IFT140: variants seen among roughly 807,000 people sequenced by gnomAD.
IFT140 encodes the protein intraflagellar transport protein 140 homolog.
IFT140 carries 133 observed loss-of-function variants against 164.6 expected under a neutral mutation model. The ratio of observed to expected loss-of-function variants is 0.81; its 90% CI spans 0.70 to 0.93. The LOEUF is 0.93. IFT140 is among the 40% of genes least tolerant of loss of function. The pLI, the probability that IFT140 is intolerant of heterozygous loss-of-function variation, is 0.00. For synonymous variants in IFT140, 860 were observed against 817.3 expected (o/e 1.05, Z -0.89); for missense variants, 2,045 against 1,972.3 (o/e 1.04, Z -0.70).
intron 3 of IFT140, among the ~76,000 whole-genome samples, chr16:1,604,165 G>A (rs993446363): frequency 1.7e-4 from 26 of 152,226 alleles, no homozygotes; most frequent in African/African-American, 6.3e-4. Flanking sequence ...TGGTGCTGGG[G>A]CTGGACTGAG....
At chr16:1,525,001 T>TA in intron 22 of IFT140, 85 bp from the exon 23 acceptor site, 3 of 1,508,300 alleles carry the variant, frequency 2.0e-6, no homozygotes, top group Non-Finnish European at 1.8e-6. Flanking sequence ...GTGCCACCCT[T>TA]AGAGTGCATG....
intron 14 of IFT140, 53 bp from the exon 15 acceptor site, chr16:1,568,387 C>T: frequency 7.2e-7 from 1 of 1,393,176 alleles, no homozygotes; most frequent in Non-Finnish European, 1.0e-6. Flanking sequence ...GTTCCCAATT[C>T]TCCGCCCACC....
At chr16:1,586,498 G>C (rs554811528) in intron 9 of IFT140, among the ~76,000 whole-genome samples, 1 of 152,204 alleles carries the variant, frequency 6.6e-6, no homozygotes, top group African/African-American at 2.4e-5. Context: ...AGCTTTCCTA[G>C]AGGCCAGTTG....
chr16:1,599,334 G>C (rs2035641416), intron 4 of IFT140, among the ~76,000 whole-genome samples: 1 of 66,596 alleles, frequency 1.5e-5, no homozygotes, highest in Admixed American at 1.4e-4. Context: ...GGGGGGGTCA[G>C]CCCCCGCCAG....
intron 18 of IFT140, among the ~76,000 whole-genome samples, chr16:1,560,988 C>T (rs189868896): frequency 2.0e-5 from 3 of 152,324 alleles, no homozygotes; most frequent in East Asian, 1.9e-4. Flanking sequence ...TCCTAGGTCC[C>T]GAAAGGTGGA....
chr16:1,551,262 A>G lies in IFT140; in HGVS notation c.2399+6673T>C, dbSNP rs1334571396. On this transcript the variant is annotated intron_variant, in intron 19 of 30. Coordinates refer to ENST00000426508, the MANE Select transcript of IFT140 (RefSeq NM_014714.4). The surrounding 1 kb of genome is among the most constrained non-coding windows in gnomAD (Gnocchi z 4.0). ...AGAGCGGCCAGAGCCACCCATGGGT[A>G]AAGACACAATGACCACGGCTGGCAG... Among the ~76,000 whole-genome samples, 1 of 152,170 alleles carries G rather than the reference A, an allele frequency of 6.6e-6. No individual in the cohort carries two copies. The highest frequency in any genetic ancestry group is 1.5e-5 in the Non-Finnish European group (1 of 68,032).
rs760839341 is a variant in IFT140 at position 1,524,829 on chromosome 16, G to A, written c.2952C>T (p.His984=). 3.1e-6 allele frequency: 5 copies of A among 1,612,514 alleles called. No individual in the cohort carries two copies. Among genetic ancestry groups the A allele is most frequent in the Non-Finnish European group, 4.2e-6 (5 of 1,179,094 alleles). Reference sequence around the variant, plus strand: ...AGCAGTGGATGCGGACCAGGGAGAAGTGGTCCCGGGCCAGCTCGTAGTAGT... The same window carrying A: ...AGCAGTGGATGCGGACCAGGGAGAAATGGTCCCGGGCCAGCTCGTAGTAGT... The part of the protein sequence containing the change: ...ALHYYELARD[H]FSLVRIHCFQ... The change falls in exon 23 of 31, where the codon CAC becomes CAT. Residue 984 remains histidine, a synonymous_variant. Coordinates refer to ENST00000426508, the MANE Select transcript of IFT140 (RefSeq NM_014714.4).
rs557973632 is a variant in IFT140 at position 1,596,119 on chromosome 16, A to T, written c.370-3531T>A. On this transcript the variant is annotated intron_variant, in intron 4 of 30. Coordinates refer to ENST00000426508, the MANE Select transcript of IFT140 (RefSeq NM_014714.4). Reference sequence around the variant, plus strand: ...GGTGTATTTGTGTTTAGTAATTTTTAAAAAATATTTTAAAAATAATGCTTA... The same window carrying T: ...GGTGTATTTGTGTTTAGTAATTTTTTAAAAATATTTTAAAAATAATGCTTA... Among the ~76,000 whole-genome samples, 153 of 152,288 alleles carry T rather than the reference A, an allele frequency of 1.0e-3. 1 individual carries two copies. Among genetic ancestry groups the T allele is most frequent in the South Asian group, 2.5e-3 (12 of 4,828 alleles).
At chr16:1,527,538 A>G (rs2040745370) in intron 19 of IFT140, among the ~76,000 whole-genome samples, 1 of 152,218 alleles carries the variant, frequency 6.6e-6, no homozygotes, top group South Asian at 2.1e-4. Flanking sequence ...GTCAGGGCAC[A>G]GGTGCAGGGA....
intron 19 of IFT140, among the ~76,000 whole-genome samples, chr16:1,528,036 G>C (rs1270121904): frequency 6.6e-6 from 1 of 152,218 alleles, no homozygotes; most frequent in Non-Finnish European, 1.5e-5. Context: ...GTGTCCGCAT[G>C]TGTGTGGGGG....
At chr16:1,523,386 A>AGG (rs1356151302) in intron 26 of IFT140, 132 bp downstream of exon 26, 1 of 897,408 alleles carries the variant, frequency 1.1e-6, no homozygotes, top group Non-Finnish European at 1.7e-6. Context: ...AACCTAGGGC[A>AGG]GGGGGCACCC....
At position 1,526,750 on chromosome 16, in the gene IFT140, G is replaced by C; in HGVS notation, c.2446C>G (p.Arg816Gly). The change falls in exon 20 of 31, where the codon CGG becomes GGG. Residue 816 changes from arginine to glycine, a missense_variant. Transcript: ENST00000426508. ...AGGCACACCTTGGCCACGTCCAGCC[G>C]CTGGGTCTTCACGCACATGCGCGCC... ...NMARMCVKTQ[R>G]LDVAKVCLGN... 6.2e-7 allele frequency: 1 copy of C among 1,609,892 alleles called. No homozygotes were observed. The highest frequency in any genetic ancestry group is 1.1e-5 in the South Asian group (1 of 90,366).
intron 7 of IFT140, 100 bp from the exon 8 acceptor site, chr16:1,588,124 G>C (rs1444728859): frequency 1.1e-6 from 1 of 872,410 alleles, no homozygotes; most frequent in African/African-American, 1.7e-5. Context: ...ACTTCATGGA[G>C]ACTCACCAAG....
chr16:1,577,569 C>G (rs1427108069), intron 13 of IFT140: 1 of 152,160 alleles, frequency 6.6e-6, no homozygotes, highest in Admixed American at 6.5e-5. Context: ...GCAGCTGCCC[C>G]TCATCTGTCC....
In IFT140 at chr16:1,524,109, T is replaced by C. The variant is rs2040603147; in HGVS notation, c.3142-153A>G. The C allele has an allele frequency of 3.0e-6, 3 of 985,398 alleles. No individual in the cohort carries two copies. The Admixed American group carries it at 8.8e-5, about 29-fold the overall frequency. The allele number at this position is 985,398 out of a possible 1,614,324, so 61.0% of individuals were successfully genotyped here. On this transcript the variant is annotated intron_variant, in intron 24 of 30. Transcript: ENST00000426508. ...TGATGGGTTTTAAGGAGCTGATGAC[T>C]TACTGGGTTTGTCTACAAGGATTTT... is the stretch of plus-strand genomic sequence containing the variant.
chr16:1,589,637 G>T lies in IFT140; in HGVS notation c.778C>A (p.Pro260Thr), dbSNP rs369671309. 1.2e-6 allele frequency: 2 copies of T among 1,614,114 alleles called. No homozygotes were observed. Among genetic ancestry groups the T allele is most frequent in the East Asian group, 4.5e-5 (2 of 44,884 alleles). ...ACTTCTTCTGCTTTGCCCTCAGGAG[G>T]CACCGTGTACAGGGACAGCCGGAGG... ...ENLRLSLYTV[P>T]PEGKAEEVMK... Residue 260 changes from proline (P) to threonine (T), a missense_variant, in exon 7 of 31, where the codon CCT (proline) becomes ACT (threonine). Coordinates refer to ENST00000426508, the MANE Select transcript of IFT140 (RefSeq NM_014714.4).
chr16:1,562,822 C>A (rs1264085566), intron 17 of IFT140, among the ~76,000 whole-genome samples: 1 of 152,032 alleles, frequency 6.6e-6, no homozygotes, highest in African/African-American at 2.4e-5. Flanking sequence ...AACAAAGAGC[C>A]CCGACCCTGC....
chr16:1,584,133 C>A (rs1567402244), intron 11 of IFT140, 84 bp downstream of exon 11: 3 of 1,226,480 alleles, frequency 2.4e-6, no homozygotes, highest in South Asian at 1.3e-5. Context: ...AACCTGCCAT[C>A]TGGGGCCCTT....
chr16:1,538,413 C>A (rs2079497797), intron 19 of IFT140, among the ~76,000 whole-genome samples: 1 of 152,214 alleles, frequency 6.6e-6, no homozygotes, highest in Admixed American at 6.5e-5. Context: ...CACTCACCCT[C>A]ACCACAACTA....
Sources: allele counts gnomAD v4.1 joint callset (sites outside exome capture counted in the v4.1 genomes callset), GRCh38; gene constraint gnomAD v4.1.1; non-coding constraint Gnocchi (gnomAD v3.1); transcripts MANE v1.5; gene names NCBI Gene and HGNC (gene_info 2026-07-23, HGNC 2026-07-21).